Variants in RSU1 observed in about 807,000 individuals in gnomAD.
The protein encoded by RSU1 is Ras suppressor protein 1.
Under a neutral mutation model 31.1 loss-of-function variants are expected in RSU1, and 26 were observed. That is an observed-to-expected ratio of 0.84 (90% confidence interval 0.61 to 1.16). The LOEUF is 1.16. Among genes scored for constraint, RSU1 ranks in the 50% most tolerant of loss-of-function variants. RSU1 has a pLI of 0.00. For missense variants in RSU1, 320 were observed against 339.1 expected (o/e 0.94, Z 0.44); for synonymous variants, 164 against 136.3 (o/e 1.20, Z -1.41).
intron 7 of RSU1, among the ~76,000 whole-genome samples, chr10:16,729,644 T>C (rs1320893132): frequency 1.3e-5 from 2 of 152,148 alleles, no homozygotes; most frequent in Non-Finnish European, 2.9e-5. Context: ...AAAGATACTA[T>C]CACTCTCAGA....
At chr10:16,597,295 T>C (rs939393118) in intron 8 of RSU1, among the ~76,000 whole-genome samples, 2 of 152,182 alleles carry the variant, frequency 1.3e-5, no homozygotes, top group Admixed American at 6.5e-5. Flanking sequence ...GCTCTTCTCC[T>C]TTTTCGGAGC....
At chr10:16,763,580 A>C (rs1837252335) in intron 4 of RSU1, among the ~76,000 whole-genome samples, 1 of 152,116 alleles carries the variant, frequency 6.6e-6, no homozygotes, top group African/African-American at 2.4e-5. Context: ...AACACTGGGG[A>C]TTACAATTCC....
intron 7 of RSU1, among the ~76,000 whole-genome samples, chr10:16,696,229 A>T (rs1035630228): frequency 1.3e-5 from 2 of 152,172 alleles, no homozygotes; most frequent in African/African-American, 4.8e-5. Flanking sequence ...GCTAAGACAC[A>T]ACCGAAGTTA....
chr10:16,635,597 A>G (rs558533404), intron 8 of RSU1, among the ~76,000 whole-genome samples: 1 of 152,230 alleles, frequency 6.6e-6, no homozygotes, highest in Non-Finnish European at 1.5e-5. Context: ...GCAAAATGAT[A>G]CTGTCCCAGC....
intron 8 of RSU1, among the ~76,000 whole-genome samples, chr10:16,619,587 T>G (rs73601033): frequency 0.039 from 5,874 of 152,218 alleles, 369 homozygotes; most frequent in African/African-American, 0.13. Flanking sequence ...CTCGTGTGTT[T>G]CCTTGAACAA....
chr10:16,742,102 G>C (rs1836766930), intron 7 of RSU1, among the ~76,000 whole-genome samples: 1 of 152,172 alleles, frequency 6.6e-6, no homozygotes, highest in Admixed American at 6.5e-5. Context: ...AAAGGCAACA[G>C]AGAGTACTAG....
rs544979825 is a variant in RSU1 at position 16,606,610 on chromosome 10, T to C, written c.732-13114A>G. ...CATCACCAGGGCAGGATTCCTGTAG[T>C]GTGCACACAGGAAGCTTCTCTGCCA... On this transcript the variant is annotated intron_variant, in intron 8 of 8. Coordinates refer to ENST00000345264, the MANE Select transcript of RSU1 (RefSeq NM_012425.4). 3.3e-5 allele frequency among the ~76,000 whole-genome samples: 5 copies of C among 152,302 alleles called. No individual in the cohort carries two copies. The South Asian group carries it at 6.2e-4, about 19-fold the overall frequency.
intron 7 of RSU1, among the ~76,000 whole-genome samples, chr10:16,746,625 T>C (rs999734527): frequency 2.0e-5 from 3 of 149,520 alleles, no homozygotes; most frequent in African/African-American, 7.4e-5. Context: ...AATAGAAAAC[T>C]GCTAACAAAC....
intron 7 of RSU1, among the ~76,000 whole-genome samples, chr10:16,718,075 T>A (rs1836178972): frequency 6.9e-6 from 1 of 145,714 alleles, no homozygotes; most frequent in African/African-American, 2.6e-5. Flanking sequence ...AATGTGAAGG[T>A]GTTTCCAAAG....
At chr10:16,607,145 G>A (rs748793714) in intron 8 of RSU1, among the ~76,000 whole-genome samples, 2 of 152,172 alleles carry the variant, frequency 1.3e-5, no homozygotes, top group Non-Finnish European at 2.9e-5. Context: ...AGATCTGGTT[G>A]TTGAAAAGCA....
intron 8 of RSU1, among the ~76,000 whole-genome samples, chr10:16,666,427 AT>A (rs1834989204): frequency 6.6e-6 from 1 of 152,174 alleles, no homozygotes; most frequent in Non-Finnish European, 1.5e-5. Context: ...TAACATGTTG[AT>A]CTGAAGATAC....
intron 2 of RSU1, among the ~76,000 whole-genome samples, chr10:16,798,670 T>C (rs1291996539): frequency 1.3e-5 from 2 of 152,216 alleles, no homozygotes; most frequent in Non-Finnish European, 2.9e-5. Flanking sequence ...AGCCGTTCTT[T>C]GTAGCAGTAT....
chr10:16,785,565 G>A (rs1359258620), intron 2 of RSU1, among the ~76,000 whole-genome samples: 2 of 149,316 alleles, frequency 1.3e-5, no homozygotes, highest in Non-Finnish European at 2.9e-5. Context: ...TAATACAGGA[G>A]GGATGGTGCT....
At chr10:16,614,433 T>C (rs1225118822) in intron 8 of RSU1, among the ~76,000 whole-genome samples, 2 of 151,566 alleles carry the variant, frequency 1.3e-5, no homozygotes, top group Non-Finnish European at 2.9e-5. Context: ...GAATGAACAA[T>C]AATTAAATGA....
intron 2 of RSU1, among the ~76,000 whole-genome samples, chr10:16,793,198 A>G (rs1248853317): frequency 1.3e-5 from 2 of 152,194 alleles, no homozygotes; most frequent in Non-Finnish European, 2.9e-5. Context: ...TTATTTCACA[A>G]CTAATTAGTG....
chr10:16,599,154 G>A (rs1360510085), intron 8 of RSU1, among the ~76,000 whole-genome samples: 1 of 152,214 alleles, frequency 6.6e-6, no homozygotes, highest in East Asian at 1.9e-4. Context: ...ACAGAGGACA[G>A]AACAGTCAGT....
intron 7 of RSU1, chr10:16,727,033 G>A (rs1026931763): frequency 1.8e-5 from 8 of 456,224 alleles, no homozygotes; most frequent in South Asian, 4.7e-5. Flanking sequence ...CAACTTACCT[G>A]AAGTTAATGA....
At chr10:16,617,443 T>C (rs1391332286) in intron 8 of RSU1, among the ~76,000 whole-genome samples, 2 of 152,190 alleles carry the variant, frequency 1.3e-5, no homozygotes, top group Non-Finnish European at 2.9e-5. Context: ...GCTATTCCCA[T>C]CAAGCTACCA....
rs1458388480 is a variant in RSU1 at position 16,592,170 on chromosome 10, C to T, written c.*1224G>A. 6.6e-6 allele frequency: 1 copy of T among 151,432 alleles called. No homozygotes were observed. The highest frequency in any genetic ancestry group is 2.5e-5 in the African/African-American group (1 of 40,732). The allele number at this position is 151,432 out of a possible 1,614,324, so 9.4% of individuals were successfully genotyped here. ...TTTATATGCCCCAGTGGGTCCTGGTCTTGGGAGCTCAACTGGGAAGCCGAA... is the reference window on the plus strand; with the variant it reads ...TTTATATGCCCCAGTGGGTCCTGGTTTTGGGAGCTCAACTGGGAAGCCGAA... On this transcript the variant is annotated 3_prime_UTR_variant, in exon 9 of 9. Transcript: ENST00000345264.
Sources: allele counts gnomAD v4.1 joint callset (sites outside exome capture counted in the v4.1 genomes callset), GRCh38; gene constraint gnomAD v4.1.1; transcripts MANE v1.5; gene names NCBI Gene and HGNC (gene_info 2026-07-23, HGNC 2026-07-21).